EDIL3: variants seen among roughly 807,000 people sequenced by gnomAD.
EDIL3 encodes EGF like and discoidin domains 3.
In EDIL3, 37 loss-of-function variants were observed where a neutral mutation model predicts 67.4. The ratio of observed to expected loss-of-function variants is 0.55; its 90% CI spans 0.42 to 0.72. EDIL3 has a LOEUF of 0.72. Among genes scored for constraint, EDIL3 ranks in the 30% least tolerant of loss-of-function variants. The pLI is 0.00. For synonymous variants in EDIL3, 195 were observed against 196.3 expected, an observed-to-expected ratio of 0.99 and a Z score of 0.05; for missense variants, 527 against 586.3, an observed-to-expected ratio of 0.90 and a Z score of 1.04.
At chr5:84,330,723 G>A (rs1746854040) in intron 1 of EDIL3, among the ~76,000 whole-genome samples, 1 of 152,122 alleles carries the variant, frequency 6.6e-6, no homozygotes, top group African/African-American at 2.4e-5. Context: ...CTCCTGCAGG[G>A]TGCAAGGATG....
chr5:84,078,278 T>C (rs1260527028), intron 6 of EDIL3, among the ~76,000 whole-genome samples: 1 of 152,096 alleles, frequency 6.6e-6, no homozygotes, highest in East Asian at 1.9e-4. Context: ...TATTAAAATA[T>C]AAAGTGTACC....
chr5:83,955,374 A>G (rs1348369565), intron 10 of EDIL3, among the ~76,000 whole-genome samples: 2 of 151,488 alleles, frequency 1.3e-5, no homozygotes, highest in African/African-American at 4.8e-5. Context: ...TAATACTGCT[A>G]TGTAACATAT....
intron 1 of EDIL3, among the ~76,000 whole-genome samples, chr5:84,341,956 C>T (rs974781664): frequency 6.6e-6 from 1 of 152,022 alleles, no homozygotes; most frequent in African/African-American, 2.4e-5. Context: ...AGATCAGGCA[C>T]ACTGTGCTAT....
chr5:84,302,434 C>A (rs933890154), intron 1 of EDIL3, among the ~76,000 whole-genome samples: 1 of 152,096 alleles, frequency 6.6e-6, no homozygotes, highest in African/African-American at 2.4e-5. Context: ...GTAGCTGGGA[C>A]TACAGGCGCC....
chr5:83,952,772 G>C (rs1409565742), intron 10 of EDIL3, among the ~76,000 whole-genome samples: 1 of 151,812 alleles, frequency 6.6e-6, no homozygotes, highest in African/African-American at 2.4e-5. Context: ...ATATATAAAT[G>C]ATGTGGCAGT....
At chr5:84,189,254 A>T (rs1232892671) in intron 3 of EDIL3, among the ~76,000 whole-genome samples, 6 of 151,904 alleles carry the variant, frequency 3.9e-5, no homozygotes, top group Non-Finnish European at 8.8e-5. Flanking sequence ...TAGCCAGGGG[A>T]CATCAAGGAG....
intron 10 of EDIL3, among the ~76,000 whole-genome samples, chr5:83,952,001 T>G (rs1346809865): frequency 6.6e-6 from 1 of 151,734 alleles, no homozygotes; most frequent in Non-Finnish European, 1.5e-5. Context: ...GTCAGCCCGA[T>G]GAGAGACCAA....
chr5:84,073,752 C>A (rs1036256194), intron 6 of EDIL3, among the ~76,000 whole-genome samples: 2 of 151,922 alleles, frequency 1.3e-5, no homozygotes, highest in Non-Finnish European at 2.9e-5. Context: ...GAATCAATAT[C>A]GTGAAAATGG....
chr5:84,271,639 A>G (rs1490081825), intron 1 of EDIL3, among the ~76,000 whole-genome samples: 1 of 152,096 alleles, frequency 6.6e-6, no homozygotes, highest in Non-Finnish European at 1.5e-5. Flanking sequence ...AATCTATTTT[A>G]TGTTCACTTA....
intron 1 of EDIL3, among the ~76,000 whole-genome samples, chr5:84,286,854 G>A (rs2112113584): frequency 6.6e-6 from 1 of 152,312 alleles, no homozygotes; most frequent in East Asian, 1.9e-4. Context: ...GGGGCAGCCT[G>A]TATGTACCTG....
intron 1 of EDIL3, among the ~76,000 whole-genome samples, chr5:84,304,630 T>C (rs1204352199): frequency 6.6e-6 from 1 of 152,224 alleles, no homozygotes; most frequent in Non-Finnish European, 1.5e-5. Context: ...GTATATGAGG[T>C]GAAATTATGT....
At chr5:84,372,695 T>G (rs1747879350) in intron 1 of EDIL3, among the ~76,000 whole-genome samples, 1 of 152,202 alleles carries the variant, frequency 6.6e-6, no homozygotes, top group Non-Finnish European at 1.5e-5. Context: ...AGACCTAGTT[T>G]TGAGTGCTGA....
intron 6 of EDIL3, among the ~76,000 whole-genome samples, chr5:84,094,875 T>C (rs1483491167): frequency 6.6e-6 from 1 of 152,238 alleles, no homozygotes; most frequent in Non-Finnish European, 1.5e-5. Flanking sequence ...AATAGCCATT[T>C]AGAAACATTA....
chr5:84,344,348 A>G (rs1747193967), intron 1 of EDIL3, among the ~76,000 whole-genome samples: 1 of 152,196 alleles, frequency 6.6e-6, no homozygotes. Context: ...TGCATAGTCC[A>G]ATGTTCACCA....
At chr5:84,116,241 G>A (rs1747663221) in intron 5 of EDIL3, among the ~76,000 whole-genome samples, 1 of 150,242 alleles carries the variant, frequency 6.7e-6, no homozygotes, top group Admixed American at 6.6e-5. Flanking sequence ...GCCATTGCAG[G>A]TGCCAAGGAA....
chr5:84,233,134 C>G (rs1744615234), intron 2 of EDIL3, among the ~76,000 whole-genome samples: 1 of 152,058 alleles, frequency 6.6e-6, no homozygotes, highest in Non-Finnish European at 1.5e-5. Flanking sequence ...TCCACTTGGT[C>G]AGCATTTAGA....
chr5:84,142,348 G>T (rs1372657201), intron 4 of EDIL3, among the ~76,000 whole-genome samples: 1 of 151,882 alleles, frequency 6.6e-6, no homozygotes. Context: ...ATGAAACAGA[G>T]AATTCTTGAG....
At chr5:84,360,775 T>G (rs1747580678) in intron 1 of EDIL3, among the ~76,000 whole-genome samples, 1 of 152,156 alleles carries the variant, frequency 6.6e-6, no homozygotes, top group Non-Finnish European at 1.5e-5. Context: ...ATATGTGATA[T>G]ATCCAAACTG....
At chr5:84,075,890 GCACA>G (rs10530772) in intron 6 of EDIL3, among the ~76,000 whole-genome samples, 7,418 of 144,754 alleles carry the variant, frequency 0.051, 482 homozygotes, top group African/African-American at 0.15. Flanking sequence ...AAGTGTGCAC[GCACA>G]CACACACACA....
Sources: allele counts gnomAD v4.1 joint callset (sites outside exome capture counted in the v4.1 genomes callset), GRCh38; gene constraint gnomAD v4.1.1; transcripts MANE v1.5; gene names NCBI Gene and HGNC (gene_info 2026-07-23, HGNC 2026-07-21).